The following EPHA6 variants were observed in gnomAD, a reference collection of about 807,000 sequenced individuals.
EPHA6 encodes the protein EPH receptor A6.
In EPHA6, 50 loss-of-function variants were observed where a neutral mutation model predicts 112.0. The observed-to-expected ratio is 0.45, with a 90% CI of 0.36 to 0.56. The LOEUF (loss-of-function observed/expected upper bound fraction) is 0.56, where lower values mean the gene tolerates loss of function less well. Ranked by LOEUF, EPHA6 falls within the 20% of genes least tolerant of loss-of-function variation. The pLI is 0.00. For synonymous variants in EPHA6, 529 were observed against 490.7 expected (o/e 1.08, Z -1.03); for missense variants, 1,280 against 1,417.4 (o/e 0.90, Z 1.56).
intron 3 of EPHA6, among the ~76,000 whole-genome samples, chr3:96,997,506 C>T (rs574966382): frequency 2.0e-5 from 3 of 151,868 alleles, no homozygotes; most frequent in South Asian, 4.2e-4. Flanking sequence ...TCAATATTGC[C>T]GTGTCTCAGA....
At chr3:97,488,400 C>T (rs549007558) in intron 10 of EPHA6, among the ~76,000 whole-genome samples, 26 of 152,228 alleles carry the variant, frequency 1.7e-4, no homozygotes, top group Admixed American at 6.5e-4. Context: ...CCTAATATTT[C>T]GATTCTGTTA....
intron 4 of EPHA6, among the ~76,000 whole-genome samples, chr3:97,234,543 T>C (rs1432222469): frequency 6.6e-6 from 1 of 152,142 alleles, no homozygotes; most frequent in Non-Finnish European, 1.5e-5. Flanking sequence ...ATTAGAAACA[T>C]TTTTTGTCCT....
At chr3:97,732,599 A>G (rs2035085227) in intron 15 of EPHA6, among the ~76,000 whole-genome samples, 1 of 152,070 alleles carries the variant, frequency 6.6e-6, no homozygotes. Context: ...AATTGCTTAA[A>G]AAATATAAGT....
At chr3:97,038,315 C>G (rs191716402) in intron 3 of EPHA6, among the ~76,000 whole-genome samples, 28 of 152,078 alleles carry the variant, frequency 1.8e-4, no homozygotes, top group African/African-American at 6.0e-4. Flanking sequence ...CTTTCCCCCC[C>G]CATGCTTCCT....
rs571630310 is a variant in EPHA6, at chr3:97,610,988, T to C, written c.2574+134T>C. 7.8e-5 allele frequency: 54 copies of C among 696,124 alleles called. No individual in the cohort carries two copies. The South Asian group carries it at 9.7e-4, about 12-fold the overall frequency. 43.1% of individuals were successfully genotyped at this position (696,124 alleles called of 1,614,324 possible). Reference sequence around the variant, plus strand: ...AAGAATAGCAGTGTTTTCTCTAGGGTGCATTTCCCTGATACTGTGATACAT... The same window carrying C: ...AAGAATAGCAGTGTTTTCTCTAGGGCGCATTTCCCTGATACTGTGATACAT... On this transcript the variant is annotated intron_variant, in intron 13 of 17. Coordinates refer to ENST00000389672, the MANE Select transcript of EPHA6 (RefSeq NM_001080448.3).
chr3:96,814,905 C>G lies in EPHA6; in HGVS notation c.282C>G (p.Thr94=). 1 of 1,553,280 alleles carries G rather than the reference C, an allele frequency of 6.4e-7. No homozygotes were observed. The highest frequency in any genetic ancestry group is 8.7e-7 in the Non-Finnish European group (1 of 1,147,700). Residue 94 remains threonine, a synonymous_variant, in exon 1 of 18, where the codon ACC becomes ACG. Transcript: ENST00000389672. ...AGAGGAAAAGAGAGCCTAGGAGAAC[C>G]ATGGGGGGCTGCGAAGTCCGGGAAT... ...LRERKREPRR[T]MGGCEVREFL...
In EPHA6 at chr3:97,581,516, A is replaced by G. The variant is rs115703101; in HGVS notation, c.2387-11096A>G. On this transcript the variant is annotated intron_variant, in intron 11 of 17. Coordinates refer to ENST00000389672, the MANE Select transcript of EPHA6 (RefSeq NM_001080448.3). ...GTAAGATACATGAAAAGAAATACCTATACTGCAAGTTAAAAATGTGATAAT... is the reference window on the plus strand; with the variant it reads ...GTAAGATACATGAAAAGAAATACCTGTACTGCAAGTTAAAAATGTGATAAT... Among the ~76,000 whole-genome samples the G allele has an allele frequency of 6.3e-3, 962 of 152,368 alleles. 4 individuals carry two copies. Among genetic ancestry groups the G allele is most frequent in the African/African-American group, 0.022 (901 of 41,590 alleles).
intron 2 of EPHA6, among the ~76,000 whole-genome samples, chr3:96,978,293 G>C (rs553292621): frequency 6.6e-6 from 1 of 152,178 alleles, no homozygotes; most frequent in Non-Finnish European, 1.5e-5. Context: ...TAAAGTGGAA[G>C]CATTGGTCTT....
chr3:97,140,520 C>T (rs1019392213), intron 3 of EPHA6, among the ~76,000 whole-genome samples: 3 of 152,090 alleles, frequency 2.0e-5, no homozygotes, highest in Non-Finnish European at 4.4e-5. Context: ...AGATCGAGGC[C>T]TATGTTCAGG....
chr3:96,897,626 G>A (rs994060947), intron 2 of EPHA6, among the ~76,000 whole-genome samples: 9 of 152,120 alleles, frequency 5.9e-5, no homozygotes, highest in African/African-American at 2.2e-4. Flanking sequence ...TTGTCCCTGA[G>A]CAGATGTTAA....
intron 14 of EPHA6, among the ~76,000 whole-genome samples, chr3:97,683,857 T>C (rs913666743): frequency 1.3e-4 from 20 of 152,286 alleles, no homozygotes; most frequent in African/African-American, 4.8e-4. Flanking sequence ...GAATTGTTCA[T>C]TAAGCTGTCC....
intron 5 of EPHA6, among the ~76,000 whole-genome samples, chr3:97,324,142 T>C (rs1162900691): frequency 2.0e-5 from 3 of 152,048 alleles, no homozygotes; most frequent in African/African-American, 7.3e-5. Context: ...CTATGATTGC[T>C]TCTTCCTTTT....
chr3:97,572,147 CT>C (rs869271956), intron 11 of EPHA6, among the ~76,000 whole-genome samples: 286 of 128,352 alleles, frequency 2.2e-3, no homozygotes, highest in East Asian at 5.5e-3. Flanking sequence ...ATCTCTTTTC[CT>C]TTTTTTTTTT....
chr3:97,330,554 C>T (rs62262764), intron 5 of EPHA6, among the ~76,000 whole-genome samples: 1 of 151,964 alleles, frequency 6.6e-6, no homozygotes, highest in African/African-American at 2.4e-5. Flanking sequence ...AGTTGGATTC[C>T]TAGGCATTTA....
At chr3:96,876,537 T>C (rs2036964510) in intron 2 of EPHA6, among the ~76,000 whole-genome samples, 1 of 151,864 alleles carries the variant, frequency 6.6e-6, no homozygotes, top group African/African-American at 2.4e-5. Flanking sequence ...TGAAGATCAA[T>C]TTATGTCCAT....
At chr3:97,333,860 T>C (rs1157294308) in intron 5 of EPHA6, among the ~76,000 whole-genome samples, 1 of 151,964 alleles carries the variant, frequency 6.6e-6, no homozygotes, top group Middle Eastern at 3.2e-3. Flanking sequence ...AGTAGCAGAG[T>C]AGACATCCTG....
chr3:97,641,487 C>T lies in EPHA6; in HGVS notation c.2784+3405C>T, dbSNP rs185011491. 6.2e-3 allele frequency among the ~76,000 whole-genome samples: 949 copies of T among 152,284 alleles called. 5 individuals are homozygous for T. The highest frequency in any genetic ancestry group is 0.011 in the Non-Finnish European group (764 of 68,026). On this transcript the variant is annotated intron_variant, in intron 14 of 17. Coordinates refer to ENST00000389672, the MANE Select transcript of EPHA6 (RefSeq NM_001080448.3). Reference sequence around the variant, plus strand: ...TCCGGTCTACAGCTCCCAGCGTGAGCGACGCAGAAGACGGGTGATTTCTGC... The same window carrying T: ...TCCGGTCTACAGCTCCCAGCGTGAGTGACGCAGAAGACGGGTGATTTCTGC...
At chr3:96,944,768 C>G (rs970180571) in intron 2 of EPHA6, among the ~76,000 whole-genome samples, 1 of 152,090 alleles carries the variant, frequency 6.6e-6, no homozygotes, top group Non-Finnish European at 1.5e-5. Context: ...GGTGAAACCC[C>G]GTCTCTACTA....
chr3:97,063,788 G>T (rs1257520690), intron 3 of EPHA6, among the ~76,000 whole-genome samples: 2 of 152,132 alleles, frequency 1.3e-5, no homozygotes, highest in African/African-American at 2.4e-5. Context: ...TCATCTTCTA[G>T]TGTCTCTCCA....
Sources: allele counts gnomAD v4.1 joint callset (sites outside exome capture counted in the v4.1 genomes callset), GRCh38; gene constraint gnomAD v4.1.1; transcripts MANE v1.5; gene names NCBI Gene and HGNC (gene_info 2026-07-23, HGNC 2026-07-21).